Variants in PDE4D observed in about 807,000 individuals in gnomAD.
The protein encoded by PDE4D is phosphodiesterase 4D.
Under a neutral mutation model 87.4 loss-of-function variants are expected in PDE4D, and 24 were observed. The ratio of observed to expected loss-of-function variants is 0.27; its 90% CI spans 0.20 to 0.39. PDE4D has a LOEUF of 0.39. PDE4D is among the 10% of genes least tolerant of loss of function. The pLI, the probability that PDE4D is intolerant of heterozygous loss-of-function variation, is 1.00. For missense variants in PDE4D, 714 were observed against 1,041.0 expected, an observed-to-expected ratio of 0.69 and a Z score of 4.32; for synonymous variants, 384 against 383.2, an observed-to-expected ratio of 1.00 and a Z score of -0.02.
chr5:60,386,082 A>G (rs1762172134), intron 1 of PDE4D, among the ~76,000 whole-genome samples: 1 of 152,214 alleles, frequency 6.6e-6, no homozygotes, highest in African/African-American at 2.4e-5. Context: ...ATTAAATAAT[A>G]ATAATTCCTG....
At chr5:59,014,397 C>G (rs1160386596) in intron 6 of PDE4D, among the ~76,000 whole-genome samples, 1 of 152,060 alleles carries the variant, frequency 6.6e-6, no homozygotes, top group African/African-American at 2.4e-5. Context: ...TTTAGAAAAC[C>G]CCATCATCTC....
chr5:59,204,114 T>C (rs1165670148), intron 2 of PDE4D, among the ~76,000 whole-genome samples: 1 of 151,512 alleles, frequency 6.6e-6, no homozygotes, highest in Non-Finnish European at 1.5e-5. Context: ...ACCTTGTATA[T>C]AATAAATGCA....
At chr5:59,861,222 T>G (rs1406627639) in intron 1 of PDE4D, among the ~76,000 whole-genome samples, 1 of 152,142 alleles carries the variant, frequency 6.6e-6, no homozygotes, top group African/African-American at 2.4e-5. Context: ...TTATTTGTTT[T>G]GATAAAGACA....
intron 3 of PDE4D, among the ~76,000 whole-genome samples, chr5:59,901,458 A>T (rs952143155): frequency 6.6e-6 from 1 of 152,206 alleles, no homozygotes; most frequent in Non-Finnish European, 1.5e-5. Context: ...AACTATACTA[A>T]CATTTGGAAC....
chr5:59,942,437 T>C (rs1438931590), intron 3 of PDE4D, among the ~76,000 whole-genome samples: 2 of 152,174 alleles, frequency 1.3e-5, no homozygotes, highest in African/African-American at 4.8e-5. Context: ...TCTGTCAGCA[T>C]GGAAGCCCTT....
chr5:60,267,302 G>A (rs1421300903), intron 1 of PDE4D, among the ~76,000 whole-genome samples: 1 of 152,112 alleles, frequency 6.6e-6, no homozygotes, highest in Non-Finnish European at 1.5e-5. Flanking sequence ...TTTCATGTGA[G>A]GGTTGTGTGT....
At chr5:59,923,234 C>T (rs1193355577) in intron 3 of PDE4D, among the ~76,000 whole-genome samples, 1 of 152,192 alleles carries the variant, frequency 6.6e-6, no homozygotes, top group Admixed American at 6.5e-5. Flanking sequence ...CACTTCAGGT[C>T]CTGGCTCCCA....
chr5:59,768,456 C>A (rs1425497560), intron 1 of PDE4D: 5 of 1,598,226 alleles, frequency 3.1e-6, no homozygotes, highest in African/African-American at 1.3e-5. Flanking sequence ...TTGGACAATG[C>A]GGATTATCCA....
chr5:60,226,649 A>T (rs1337831789), intron 1 of PDE4D, among the ~76,000 whole-genome samples: 1 of 152,142 alleles, frequency 6.6e-6, no homozygotes, highest in East Asian at 1.9e-4. Flanking sequence ...GCTAAAAGAA[A>T]GCAGGCTGGA....
At chr5:60,195,574 T>G (rs576439054) in intron 1 of PDE4D, among the ~76,000 whole-genome samples, 3 of 151,706 alleles carry the variant, frequency 2.0e-5, no homozygotes, top group Middle Eastern at 3.2e-3. Flanking sequence ...TTTTACTAAT[T>G]CATTCACCAG....
At chr5:60,429,738 T>C (rs946441233) in intron 1 of PDE4D, among the ~76,000 whole-genome samples, 1 of 152,220 alleles carries the variant, frequency 6.6e-6, no homozygotes, top group African/African-American at 2.4e-5. Flanking sequence ...TTTTTGTTTT[T>C]ATTCCGTTCA....
At chr5:60,055,026 AG>A in intron 2 of PDE4D, among the ~76,000 whole-genome samples, 1 of 152,254 alleles carries the variant, frequency 6.6e-6, no homozygotes, top group African/African-American at 2.4e-5. Flanking sequence ...AATAAAAAAA[AG>A]GTTCAATCAT....
Position 59,516,955 on chromosome 5 carries a change from GCA to G in PDE4D, c.456-300989_456-300988del, listed in dbSNP as rs374259919. Among the ~76,000 whole-genome samples the G allele has an allele frequency of 1.7e-3, 211 of 126,448 alleles. 1 individual carries two copies. The highest frequency in any genetic ancestry group is 2.3e-3 in the Non-Finnish European group (144 of 62,490). The allele number at this position is 126,448 out of a possible 152,430, so 83.0% of individuals were successfully genotyped here. A position where few individuals can be genotyped will look rare whatever the true frequency, so the allele number is the denominator to read the frequency against. On this transcript the variant is annotated intron_variant, in intron 1 of 14. Coordinates refer to ENST00000340635, the MANE Select transcript of PDE4D (RefSeq NM_001104631.2). ...TACACATACATAGGCACACACATAG[GCA>G]CACACACACACATACACAGTCATTT... is the stretch of plus-strand genomic sequence containing the variant.
intron 3 of PDE4D, among the ~76,000 whole-genome samples, chr5:59,941,964 G>A (rs1757232986): frequency 6.6e-6 from 1 of 152,200 alleles, no homozygotes; most frequent in South Asian, 2.1e-4. Context: ...GCCAGGATGA[G>A]AAACACTGAA....
At chr5:59,402,919 A>G (rs1302123878) in intron 1 of PDE4D, among the ~76,000 whole-genome samples, 4 of 152,258 alleles carry the variant, frequency 2.6e-5, no homozygotes, top group African/African-American at 9.6e-5. Flanking sequence ...CTAAATAAAC[A>G]TTCAGTGTTC....
At chr5:59,088,290 G>C (rs778340081) in intron 5 of PDE4D, among the ~76,000 whole-genome samples, 1 of 151,938 alleles carries the variant, frequency 6.6e-6, no homozygotes, top group Admixed American at 6.6e-5. Flanking sequence ...TTATCTAGTT[G>C]TGTAGGTATT....
At chr5:60,183,471 G>T (rs1054905434) in intron 2 of PDE4D, among the ~76,000 whole-genome samples, 4 of 152,116 alleles carry the variant, frequency 2.6e-5, no homozygotes, top group African/African-American at 4.8e-5. Flanking sequence ...GTGACTAAAT[G>T]GTCTTCCAAG....
At chr5:60,330,493 G>A (rs1407062033) in intron 1 of PDE4D, among the ~76,000 whole-genome samples, 2 of 152,112 alleles carry the variant, frequency 1.3e-5, no homozygotes, top group African/African-American at 4.8e-5. Context: ...CATGATAAGT[G>A]GGGGTGAGCG....
intron 1 of PDE4D, among the ~76,000 whole-genome samples, chr5:59,593,502 C>T (rs1001010852): frequency 2.0e-5 from 3 of 152,110 alleles, no homozygotes; most frequent in African/African-American, 7.2e-5. Context: ...AAAAAAGTAA[C>T]ATAATCCAGC....
Sources: allele counts gnomAD v4.1 joint callset (sites outside exome capture counted in the v4.1 genomes callset), GRCh38; gene constraint gnomAD v4.1.1; transcripts MANE v1.5; gene names NCBI Gene and HGNC (gene_info 2026-07-23, HGNC 2026-07-21).